The following CACNB2 variants were observed in gnomAD, a reference collection of about 807,000 sequenced individuals.
The protein encoded by CACNB2 is voltage-dependent L-type calcium channel subunit beta-2.
Under a neutral mutation model 73.3 loss-of-function variants are expected in CACNB2, and 42 were observed. That is an observed-to-expected ratio of 0.57 (90% CI 0.45 to 0.74). The LOEUF is 0.74. Ranked by LOEUF, CACNB2 falls within the 30% of genes least tolerant of loss-of-function variation. CACNB2 has a pLI of 0.00. For missense variants in CACNB2, 940 were observed against 853.0 expected, an observed-to-expected ratio of 1.10 and a Z score of -1.27; for synonymous variants, 348 against 310.3, an observed-to-expected ratio of 1.12 and a Z score of -1.28.
chr10:18,195,559 G>C (rs1463968706), intron 2 of CACNB2, among the ~76,000 whole-genome samples: 1 of 152,232 alleles, frequency 6.6e-6, no homozygotes. Context: ...CATCAAGAGA[G>C]CGTGGATTAT....
chr10:18,468,701 G>T (rs1197729368), intron 3 of CACNB2, among the ~76,000 whole-genome samples: 1 of 152,056 alleles, frequency 6.6e-6, no homozygotes, highest in Non-Finnish European at 1.5e-5. Flanking sequence ...CCGAGTTCAA[G>T]CAATTCTCCT....
chr10:18,521,936 C>G (rs753763013), intron 9 of CACNB2, among the ~76,000 whole-genome samples: 1 of 152,166 alleles, frequency 6.6e-6, no homozygotes, highest in Admixed American at 6.5e-5. Flanking sequence ...CCATGGCCTG[C>G]TAGGGGCCAC....
Position 18,188,937 on chromosome 10 carries a change from G to T in CACNB2, c.213+37962G>T, listed in dbSNP as rs528541869. Among the ~76,000 whole-genome samples the T allele has an allele frequency of 6.6e-5, 10 of 152,146 alleles. No individual in the cohort carries two copies. In the South Asian group the frequency reaches 1.5e-3, roughly 22 times the overall value. On this transcript the variant is annotated intron_variant, in intron 2 of 13. Coordinates refer to ENST00000324631, the MANE Select transcript of CACNB2 (RefSeq NM_201596.3). ...TAGACTCTGAGAAGGGATAAGAACC[G>T]CACTTGAGAGGATTGTCTATTGTTA...
Position 18,498,436 on chromosome 10 carries a change from G to A in CACNB2, c.415G>A (p.Ala139Thr), listed in dbSNP as rs886039055. ...HEDDVPVPGM[A>T]ISFEAKDFLH... is the part of the protein sequence containing the mutation. ...AGATGATGTTCCAGTGCCTGGCATG[G>A]CCATCTCATTCGAAGCAAAAGATTT... The change falls in exon 4 of 14, where the codon GCC (alanine) becomes ACC (threonine). Residue 139 changes from alanine to threonine, a missense_variant. Ala to Thr is a moderately conservative substitution (Grantham distance 58). Coordinates refer to ENST00000324631, the MANE Select transcript of CACNB2 (RefSeq NM_201596.3). The A allele has an allele frequency of 6.2e-7, 1 of 1,614,006 alleles. No individual in the cohort carries two copies. The highest frequency in any genetic ancestry group is 1.7e-5 in the Admixed American group (1 of 60,020).
intron 2 of CACNB2, among the ~76,000 whole-genome samples, chr10:18,173,490 G>C (rs2131166013): frequency 6.6e-6 from 1 of 152,348 alleles, no homozygotes; most frequent in Non-Finnish European, 1.5e-5. Context: ...ACAGGTGAGA[G>C]ATGTATTCCT....
At chr10:18,166,626 C>T (rs2032870584) in intron 2 of CACNB2, among the ~76,000 whole-genome samples, 1 of 152,148 alleles carries the variant, frequency 6.6e-6, no homozygotes, top group Non-Finnish European at 1.5e-5. Context: ...ACCACCAGTT[C>T]TATTGGCTTG....
chr10:18,461,708 A>C (rs1222961464), intron 3 of CACNB2, among the ~76,000 whole-genome samples: 2 of 148,018 alleles, frequency 1.4e-5, no homozygotes, highest in Non-Finnish European at 3.0e-5. Context: ...CCACTCACCC[A>C]CTGCTCACCG....
intron 1 of CACNB2, among the ~76,000 whole-genome samples, chr10:18,144,730 A>T (rs184382528): frequency 6.6e-6 from 1 of 152,362 alleles, no homozygotes; most frequent in East Asian, 1.9e-4. Context: ...TTTTAAATTG[A>T]TGACATGTTG....
intron 4 of CACNB2, 37 bp downstream of exon 4, chr10:18,498,514 T>A: frequency 6.2e-7 from 1 of 1,608,260 alleles, no homozygotes; most frequent in African/African-American, 1.3e-5. Flanking sequence ...CAGCATGATG[T>A]TTCACCTTGA....
At chr10:18,323,063 A>G (rs1331110104) in intron 2 of CACNB2, among the ~76,000 whole-genome samples, 1 of 150,880 alleles carries the variant, frequency 6.6e-6, no homozygotes, top group East Asian at 1.9e-4. Flanking sequence ...CCTGGGTTCA[A>G]GCAGTCTCCA....
intron 2 of CACNB2, among the ~76,000 whole-genome samples, chr10:18,259,570 A>AAAAAAAAAAC (rs1554779378): frequency 6.8e-5 from 8 of 116,976 alleles, no homozygotes; most frequent in Admixed American, 8.6e-5. Flanking sequence ...CAAACAAAAA[A>AAAAAAAAAAC]AAAAAGTAAA....
intron 3 of CACNB2, among the ~76,000 whole-genome samples, chr10:18,473,288 A>T (rs968353968): frequency 6.6e-6 from 1 of 152,222 alleles, no homozygotes; most frequent in African/African-American, 2.4e-5. Context: ...CCTGTTTTGG[A>T]TAGGAGTATT....
intron 3 of CACNB2, among the ~76,000 whole-genome samples, chr10:18,444,261 C>G (rs1235869750): frequency 6.6e-6 from 1 of 152,108 alleles, no homozygotes; most frequent in African/African-American, 2.4e-5. Flanking sequence ...CTCATCCTTT[C>G]CACCAGGAGA....
intron 3 of CACNB2, among the ~76,000 whole-genome samples, chr10:18,494,265 C>T (rs1451170597): frequency 3.9e-5 from 6 of 152,160 alleles, no homozygotes; most frequent in African/African-American, 1.4e-4. Flanking sequence ...TCGAGTCAGG[C>T]ATTAAAAATG....
At chr10:18,202,107 G>C (rs938921120) in intron 2 of CACNB2, among the ~76,000 whole-genome samples, 4 of 152,172 alleles carry the variant, frequency 2.6e-5, no homozygotes, top group Non-Finnish European at 5.9e-5. Flanking sequence ...AGTTTGATTA[G>C]AGAGGGAAGA....
At chr10:18,428,772 A>G (rs1240977700) in intron 3 of CACNB2, among the ~76,000 whole-genome samples, 1 of 152,020 alleles carries the variant, frequency 6.6e-6, no homozygotes, top group Non-Finnish European at 1.5e-5. Context: ...GTTACACATT[A>G]TAGTTCTGGG....
intron 3 of CACNB2, among the ~76,000 whole-genome samples, chr10:18,461,855 A>G (rs2047597940): frequency 6.8e-6 from 1 of 146,180 alleles, no homozygotes; most frequent in African/African-American, 2.6e-5. Flanking sequence ...GTGGCTTCCA[A>G]TCTATCCTTT....
At chr10:18,190,007 T>A (rs2034324668) in intron 2 of CACNB2, among the ~76,000 whole-genome samples, 1 of 152,194 alleles carries the variant, frequency 6.6e-6, no homozygotes, top group Non-Finnish European at 1.5e-5. Flanking sequence ...GCTGTTAATC[T>A]TCAGCACTTG....
chr10:18,504,576 AT>A (rs1389526369), intron 5 of CACNB2, among the ~76,000 whole-genome samples: 1 of 151,966 alleles, frequency 6.6e-6, no homozygotes, highest in Non-Finnish European at 1.5e-5. Context: ...TTGGCCCAAG[AT>A]TTTGCCTAAG....
Sources: gnomAD v4.1 joint callset for allele counts (sites outside exome capture counted in the v4.1 genomes callset) on GRCh38, gnomAD v4.1.1 for gene constraint, MANE v1.5 for transcripts, NCBI Gene and HGNC (gene_info 2026-07-23, HGNC 2026-07-21) for gene names.